Variants in ZFR2 observed in about 807,000 individuals in gnomAD.
ZFR2 encodes the protein zinc finger RNA binding protein 2, also known as zinc finger RNA-binding protein 2.
In ZFR2, 104 loss-of-function variants were observed where a neutral mutation model predicts 105.7. The ratio of observed to expected loss-of-function variants is 0.98; its 90% CI spans 0.84 to 1.16. ZFR2 has a LOEUF of 1.16. Ranked by LOEUF, ZFR2 falls within the 50% of genes most tolerant of loss-of-function variation. ZFR2 has a pLI of 0.00. For missense variants in ZFR2, 1,425 were observed against 1,355.5 expected, an observed-to-expected ratio of 1.05 and a Z score of -0.80; for synonymous variants, 634 against 597.7, an observed-to-expected ratio of 1.06 and a Z score of -0.89.
chr19:3,843,702 G>C (rs1361931895), intron 1 of ZFR2, among the ~76,000 whole-genome samples: 2 of 151,822 alleles, frequency 1.3e-5, no homozygotes, highest in Non-Finnish European at 2.9e-5. Flanking sequence ...GGGCGTGGTG[G>C]CGGGCGCCTG....
Position 3,833,770 on chromosome 19 carries a change from G to A in ZFR2, c.273C>T (p.Tyr91=). The A allele has an allele frequency of 1.9e-6, 3 of 1,574,728 alleles. No individual in the cohort carries two copies. Among genetic ancestry groups the A allele is most frequent in the African/African-American group, 2.7e-5 (2 of 74,222 alleles). Residue 91 remains tyrosine (Y), a synonymous_variant, in exon 3 of 19, where the codon TAC becomes TAT. Transcript: ENST00000262961. The part of the protein sequence containing the change: ...ATTMATYQDS[Y]SYGQSAAARS... ...TGGCAGCTGCTGACTGTCCGTAGCT[G>A]TAACTGTCCTATGTGGGGGTTTCGG...
intron 1 of ZFR2, among the ~76,000 whole-genome samples, chr19:3,864,792 G>C (rs900341709): frequency 6.6e-6 from 1 of 151,822 alleles, no homozygotes; most frequent in Non-Finnish European, 1.5e-5. Flanking sequence ...CTGTCACCCA[G>C]GCTGAAGTGC....
chr19:3,839,060 C>A (rs1025690071), intron 1 of ZFR2, among the ~76,000 whole-genome samples: 1 of 152,126 alleles, frequency 6.6e-6, no homozygotes, highest in African/African-American at 2.4e-5. Flanking sequence ...ATGGACATGT[C>A]CCCTGGGACC....
chr19:3,835,978 C>G (rs893010549), intron 1 of ZFR2, among the ~76,000 whole-genome samples: 1 of 151,938 alleles, frequency 6.6e-6, no homozygotes, highest in Non-Finnish European at 1.5e-5. Context: ...AAAAACAGTA[C>G]AGCTGTCCCT....
At chr19:3,812,254 GT>G (rs892464429) in intron 14 of ZFR2, among the ~76,000 whole-genome samples, 2 of 151,666 alleles carry the variant, frequency 1.3e-5, no homozygotes, top group Admixed American at 6.6e-5. Flanking sequence ...AAATTTTTTT[GT>G]TTTTTTTATA....
At position 3,821,358 on chromosome 19, in the gene ZFR2, C is replaced by A. The variant is rs760382503; in HGVS notation, c.1613G>T (p.Arg538Leu). Reference protein sequence around the residue: ...LAEERLEQLRRWHAERRRLEE... With the variant: ...LAEERLEQLRLWHAERRRLEE... ...CGGGCACCTCCTCTCCGCGTGCCAG[C>A]GCCGCAGCTGCTCCAGCCGCTCCTC... Residue 538 changes from arginine (R) to leucine (L), a missense_variant, in exon 10 of 19, where the codon CGC becomes CTC. Physicochemically the swap from Arg to Leu is moderately radical, Grantham distance 102 (BLOSUM62 -2). Coordinates refer to ENST00000262961, the MANE Select transcript of ZFR2 (RefSeq NM_015174.2). The A allele has an allele frequency of 2.5e-6, 4 of 1,601,240 alleles. No individual in the cohort carries two copies. In the African/African-American group the frequency reaches 4.0e-5, roughly 16 times the overall value.
At position 3,810,851 on chromosome 19, in the gene ZFR2, G is replaced by A. The variant is rs574879784; in HGVS notation, c.2338-6C>T. ...TGCAGGCCGCTGGCTCGAGCCTTCG[G>A]GGGAGAAGCACACGGTTAGCTTTCA... On this transcript the variant is annotated splice_polypyrimidine_tract_variant and splice_region_variant and intron_variant, in intron 15 of 18. Transcript: ENST00000262961. 3.0e-5 allele frequency: 47 copies of A among 1,550,150 alleles called. 1 individual carries two copies. The South Asian group carries it at 4.4e-4, about 15-fold the overall frequency.
chr19:3,827,694 A>ACACTGGC (rs2037967382), intron 5 of ZFR2, 41 bp from the exon 6 acceptor site: 1 of 1,553,584 alleles, frequency 6.4e-7, no homozygotes, highest in African/African-American at 1.4e-5. Context: ...GGGGGTTTGC[A>ACACTGGC]CACTGGCCAC....
intron 13 of ZFR2, among the ~76,000 whole-genome samples, chr19:3,814,325 A>G (rs1338288144): frequency 6.6e-6 from 1 of 152,230 alleles, no homozygotes; most frequent in East Asian, 1.9e-4. Context: ...TTACACAGTG[A>G]CACACATTAC....
chr19:3,830,143 A>T (rs201745210), intron 5 of ZFR2, among the ~76,000 whole-genome samples: 101 of 149,728 alleles, frequency 6.7e-4, no homozygotes, highest in African/African-American at 1.8e-3. Flanking sequence ...CTACAAAAAA[A>T]TTTTTTTTTA....
chr19:3,823,595 C>A lies in ZFR2; in HGVS notation c.1214-192G>T, dbSNP rs2037918833. 6.6e-6 allele frequency among the ~76,000 whole-genome samples: 1 copy of A among 152,170 alleles called. No individual in the cohort carries two copies. The highest frequency in any genetic ancestry group is 1.5e-5 in the Non-Finnish European group (1 of 68,032). On this transcript the variant is annotated intron_variant, in intron 7 of 18. Transcript: ENST00000262961. The surrounding 1 kb of genome is among the most constrained non-coding windows in gnomAD (Gnocchi z 5.4). The stretch of plus-strand genomic sequence containing the variant: ...CCTTTCATGCCTGCGTGTGACCCAG[C>A]CAAGAAACCGAGGCCAATTTCAATC...
chr19:3,836,792 AG>A (rs2038079502), intron 1 of ZFR2, among the ~76,000 whole-genome samples: 1 of 152,192 alleles, frequency 6.6e-6, no homozygotes, highest in Non-Finnish European at 1.5e-5. Context: ...GTTCAGACCC[AG>A]ATCTTTCTGA....
At position 3,844,250 on chromosome 19, in the gene ZFR2, T is replaced by C. The variant is rs145935091; in HGVS notation, c.54-9267A>G. Among the ~76,000 whole-genome samples the C allele has an allele frequency of 7.9e-5, 12 of 152,260 alleles. No homozygotes were observed. The East Asian group carries it at 2.3e-3, about 29-fold the overall frequency. On this transcript the variant is annotated intron_variant, in intron 1 of 18. Coordinates refer to ENST00000262961, the MANE Select transcript of ZFR2 (RefSeq NM_015174.2). ...AAAAGCAAAGAAACCTCATATCCAC[T>C]ACCAATCACTTCCCCTCTCCACCCA...
intron 1 of ZFR2, among the ~76,000 whole-genome samples, chr19:3,840,438 T>C (rs1200319244): frequency 6.6e-6 from 1 of 152,084 alleles, no homozygotes; most frequent in African/African-American, 2.4e-5. Context: ...GGTTTCACCA[T>C]GTTGGCCAGG....
At chr19:3,868,870 G>C (rs976698570) in intron 1 of ZFR2, 95 bp downstream of exon 1, 1 of 1,054,348 alleles carries the variant, frequency 9.5e-7, no homozygotes, top group Admixed American at 4.3e-5. Context: ...GACTGGGGCC[G>C]GGCCGGGCGC....
In ZFR2 at chr19:3,858,416, C is replaced by G. The variant is rs2038333094; in HGVS notation, c.53+10549G>C. 5.3e-5 allele frequency among the ~76,000 whole-genome samples: 8 copies of G among 152,200 alleles called. No homozygotes were observed. The South Asian group carries it at 1.7e-3, about 32-fold the overall frequency. ...ACTGCATTGAATAACTCAATGGGAA[C>G]ACACACACACAAAACCCCCCAAAAC... On this transcript the variant is annotated intron_variant, in intron 1 of 18. Coordinates refer to ENST00000262961, the MANE Select transcript of ZFR2 (RefSeq NM_015174.2). This position sits in a 1 kb window ranked among gnomAD's most constrained non-coding sequence, Gnocchi z 4.3.
intron 12 of ZFR2, 127 bp from the exon 13 acceptor site, chr19:3,816,972 A>T (rs2037831755): frequency 1.2e-6 from 1 of 858,156 alleles, no homozygotes; most frequent in African/African-American, 1.7e-5. Context: ...ATCCTCATCC[A>T]TGAAATGGGA....
intron 1 of ZFR2, among the ~76,000 whole-genome samples, chr19:3,861,682 T>C (rs369136284): frequency 2.0e-5 from 3 of 151,498 alleles, no homozygotes; most frequent in East Asian, 1.9e-4. Context: ...TCCCAGCACT[T>C]TGGGAGGCCA....
At chr19:3,814,151 C>T (rs964452848) in intron 13 of ZFR2, among the ~76,000 whole-genome samples, 193 bp from the exon 14 acceptor site, 1 of 152,230 alleles carries the variant, frequency 6.6e-6, no homozygotes, top group Middle Eastern at 3.4e-3. Context: ...TCCAGGAGTG[C>T]ACACATGTAG....
Sources: gnomAD v4.1 joint callset for allele counts (sites outside exome capture counted in the v4.1 genomes callset) on GRCh38, gnomAD v4.1.1 for gene constraint, Gnocchi (gnomAD v3.1) non-coding constraint, MANE v1.5 for transcripts, NCBI Gene and HGNC (gene_info 2026-07-23, HGNC 2026-07-21) for gene names.